The following ITPR2 variants were observed in gnomAD, a reference collection of about 807,000 sequenced individuals.
ITPR2 encodes inositol 1,4,5-trisphosphate receptor type 2.
ITPR2 carries 207 observed loss-of-function variants against 317.1 expected under a neutral mutation model. The observed-to-expected ratio is 0.65, with a 90% CI of 0.58 to 0.73. ITPR2 has a LOEUF of 0.73. Ranked by LOEUF, ITPR2 falls within the 30% of genes least tolerant of loss-of-function variation. The pLI is 0.00. For missense variants in ITPR2, 2,613 were observed against 3,284.0 expected (o/e 0.80, Z 4.99); for synonymous variants, 1,156 against 1,149.1 (o/e 1.01, Z -0.12).
At chr12:26,469,534 T>C (rs192637559) in intron 45 of ITPR2, among the ~76,000 whole-genome samples, 17 of 152,308 alleles carry the variant, frequency 1.1e-4, no homozygotes, top group African/African-American at 3.4e-4. Flanking sequence ...TAATAGCCTC[T>C]AGTAACTGTC....
At chr12:26,440,846 G>A (rs1941472012) in intron 46 of ITPR2, among the ~76,000 whole-genome samples, 2 of 152,152 alleles carry the variant, frequency 1.3e-5, no homozygotes, top group East Asian at 3.9e-4. Context: ...TGTTATGTTT[G>A]ATTATGGTTG....
rs564431945 is a variant in ITPR2 at position 26,751,740 on chromosome 12, C to A, written c.164-25975G>T. ...AATTAGCCAGGCGTGGTGGTGGGCG[C>A]CTGTAGTCCCAGCTACTTGGGAGGC... is the stretch of plus-strand genomic sequence containing the variant. On this transcript the variant is annotated intron_variant, in intron 2 of 56. Transcript: ENST00000381340. Among the ~76,000 whole-genome samples, 35 of 152,132 alleles carry A rather than the reference C, an allele frequency of 2.3e-4. No homozygotes were observed. In the South Asian group the frequency reaches 7.1e-3, roughly 31 times the overall value.
At chr12:26,727,815 C>T (rs934620929) in intron 2 of ITPR2, among the ~76,000 whole-genome samples, 2 of 152,120 alleles carry the variant, frequency 1.3e-5, no homozygotes, top group African/African-American at 2.4e-5. Flanking sequence ...TCACAGGCAA[C>T]GGAGGTCAGA....
chr12:26,731,375 A>G (rs1360223296), intron 2 of ITPR2, among the ~76,000 whole-genome samples: 1 of 152,220 alleles, frequency 6.6e-6, no homozygotes, highest in East Asian at 1.9e-4. Context: ...GAAGAGTTCA[A>G]TGAAGACAAT....
At chr12:26,798,431 T>C (rs1227367635) in intron 1 of ITPR2, among the ~76,000 whole-genome samples, 4 of 152,208 alleles carry the variant, frequency 2.6e-5, no homozygotes, top group African/African-American at 9.7e-5. Flanking sequence ...TACACTGTAG[T>C]TTGAAAGTTT....
intron 9 of ITPR2, among the ~76,000 whole-genome samples, chr12:26,695,881 T>C (rs760638205): frequency 8.5e-5 from 13 of 152,180 alleles, no homozygotes; most frequent in Non-Finnish European, 1.8e-4. Context: ...ATCAGAACTG[T>C]TGACATCTTT....
intron 21 of ITPR2, among the ~76,000 whole-genome samples, chr12:26,642,612 G>C (rs1947017004): frequency 6.6e-6 from 1 of 152,068 alleles, no homozygotes; most frequent in Non-Finnish European, 1.5e-5. Context: ...TTCTGCAAAA[G>C]ATATTACTCA....
At chr12:26,761,056 A>G (rs1949622088) in intron 2 of ITPR2, among the ~76,000 whole-genome samples, 1 of 152,160 alleles carries the variant, frequency 6.6e-6, no homozygotes, top group Non-Finnish European at 1.5e-5. Flanking sequence ...AGTTCTGTAG[A>G]GCCAGGCTTC....
intron 37 of ITPR2, among the ~76,000 whole-genome samples, chr12:26,523,522 C>CTT (rs564468146): frequency 0.055 from 7,591 of 138,040 alleles, 273 homozygotes; most frequent in African/African-American, 0.11. Context: ...ATGGCAAAAT[C>CTT]TTTTTTTTTT....
chr12:26,722,963 CCACTTA>C (rs1311680014), intron 4 of ITPR2, among the ~76,000 whole-genome samples: 5 of 152,094 alleles, frequency 3.3e-5, no homozygotes, highest in Non-Finnish European at 7.4e-5. Context: ...ATGCACCAAC[CCACTTA>C]CTATTATTAA....
intron 45 of ITPR2, 26 bp from the exon 46 acceptor site, chr12:26,443,676 T>G: frequency 6.3e-7 from 1 of 1,589,950 alleles, no homozygotes; most frequent in South Asian, 1.1e-5. Flanking sequence ...AATAAAGGTT[T>G]TAGGTCTTCT....
chr12:26,385,594 T>A (rs550688499), intron 55 of ITPR2, among the ~76,000 whole-genome samples: 10 of 152,332 alleles, frequency 6.6e-5, no homozygotes, highest in South Asian at 2.1e-4. Context: ...TGCCTCTACC[T>A]TTTTTATTCA....
intron 20 of ITPR2, among the ~76,000 whole-genome samples, chr12:26,654,876 G>A (rs1947337743): frequency 6.6e-6 from 1 of 152,134 alleles, no homozygotes; most frequent in South Asian, 2.1e-4. Flanking sequence ...AGCCCTAGAT[G>A]GCTGCAATCC....
chr12:26,484,958 G>A (rs946532781), intron 41 of ITPR2, among the ~76,000 whole-genome samples: 21 of 152,074 alleles, frequency 1.4e-4, no homozygotes, highest in African/African-American at 3.6e-4. Flanking sequence ...CTTGTGATCC[G>A]CCCATCTTGG....
At chr12:26,464,091 G>A (rs1365245034) in intron 45 of ITPR2, among the ~76,000 whole-genome samples, 1 of 152,036 alleles carries the variant, frequency 6.6e-6, no homozygotes, top group Non-Finnish European at 1.5e-5. Context: ...TTCCTTTCTA[G>A]CCATCTGTAG....
In ITPR2 at chr12:26,778,336, C is replaced by T. The variant is rs145701240; in HGVS notation, c.163+11821G>A. On this transcript the variant is annotated intron_variant, in intron 2 of 56. Coordinates refer to ENST00000381340, the MANE Select transcript of ITPR2 (RefSeq NM_002223.4). Reference sequence around the variant, plus strand: ...GGGGTGATGATTCACATCACATCCCCGTTCAACTCCCCTATCTGGCCTGTG... The same window carrying T: ...GGGGTGATGATTCACATCACATCCCTGTTCAACTCCCCTATCTGGCCTGTG... 1.3e-3 allele frequency among the ~76,000 whole-genome samples: 198 copies of T among 152,252 alleles called. 4 individuals carry two copies. The East Asian group carries it at 0.031, about 24-fold the overall frequency.
At chr12:26,494,723 T>C (rs1228238618) in intron 38 of ITPR2, among the ~76,000 whole-genome samples, 2 of 133,100 alleles carry the variant, frequency 1.5e-5, no homozygotes, top group Non-Finnish European at 3.1e-5. Flanking sequence ...TGAGCCAAGA[T>C]TGCGCCACTG....
At chr12:26,416,044 A>G (rs4146367) in intron 50 of ITPR2, among the ~76,000 whole-genome samples, 2 of 152,112 alleles carry the variant, frequency 1.3e-5, no homozygotes, top group Non-Finnish European at 2.9e-5. Flanking sequence ...AGTATGAAAT[A>G]TAAAACTATT....
intron 2 of ITPR2, among the ~76,000 whole-genome samples, chr12:26,760,796 C>T (rs1203409289): frequency 6.6e-6 from 1 of 152,180 alleles, no homozygotes; most frequent in Non-Finnish European, 1.5e-5. Context: ...CTGAGATGAT[C>T]CAGCAAAGCT....
Sources: gnomAD v4.1 joint callset for allele counts (sites outside exome capture counted in the v4.1 genomes callset) on GRCh38, gnomAD v4.1.1 for gene constraint, MANE v1.5 for transcripts, NCBI Gene and HGNC (gene_info 2026-07-23, HGNC 2026-07-21) for gene names.